The following NALF1 variants were observed in gnomAD, a reference collection of about 807,000 sequenced individuals.
NALF1 encodes the protein family with sequence similarity 155 member A.
In NALF1, 3 loss-of-function variants were observed where a neutral mutation model predicts 48.4. That is an observed-to-expected ratio of 0.06 (90% CI 0.03 to 0.16). The LOEUF (loss-of-function observed/expected upper bound fraction) is 0.16. NALF1 is among the 10% of genes least tolerant of loss of function. The pLI, the probability that NALF1 is intolerant of heterozygous loss-of-function variation, is 1.00. For synonymous variants in NALF1, 262 were observed against 245.7 expected (o/e 1.07, Z -0.62); for missense variants, 526 against 571.5 (o/e 0.92, Z 0.81).
At chr13:107,534,015 G>C (rs544183526) in intron 1 of NALF1, among the ~76,000 whole-genome samples, 8 of 151,992 alleles carry the variant, frequency 5.3e-5, no homozygotes, top group Non-Finnish European at 1.0e-4. Flanking sequence ...GTAAAAGGGA[G>C]AGGGAGACTG....
At chr13:107,200,295 A>C (rs1879484746) in intron 2 of NALF1, among the ~76,000 whole-genome samples, 1 of 152,144 alleles carries the variant, frequency 6.6e-6, no homozygotes, top group Admixed American at 6.5e-5. Context: ...CATCCCAGGC[A>C]GTGGGGCTTC....
chr13:107,617,317 T>C (rs1029891619), intron 1 of NALF1, among the ~76,000 whole-genome samples: 3 of 152,164 alleles, frequency 2.0e-5, no homozygotes, highest in Non-Finnish European at 4.4e-5. Flanking sequence ...GGTCATTTAA[T>C]TTATGATCTG....
At chr13:107,578,671 A>T (rs558780241) in intron 1 of NALF1, among the ~76,000 whole-genome samples, 1 of 152,224 alleles carries the variant, frequency 6.6e-6, no homozygotes, top group Admixed American at 6.5e-5. Context: ...AATCTTATTT[A>T]TTTTTACCTG....
At chr13:107,734,687 T>G (rs1876415002) in intron 1 of NALF1, among the ~76,000 whole-genome samples, 1 of 152,296 alleles carries the variant, frequency 6.6e-6, no homozygotes, top group South Asian at 2.1e-4. Context: ...GCCTCAGTTT[T>G]CTTATTCATA....
intron 1 of NALF1, among the ~76,000 whole-genome samples, chr13:107,660,692 T>C (rs551120840): frequency 1.4e-4 from 21 of 152,108 alleles, no homozygotes; most frequent in Admixed American, 5.2e-4. Context: ...TACACTATAA[T>C]GATGAATCCA....
intron 1 of NALF1, among the ~76,000 whole-genome samples, chr13:107,635,185 A>C (rs966556920): frequency 1.3e-5 from 2 of 152,092 alleles, no homozygotes; most frequent in Non-Finnish European, 2.9e-5. Flanking sequence ...TTACTATATT[A>C]GTTCATCCTC....
intron 1 of NALF1, among the ~76,000 whole-genome samples, chr13:107,506,819 T>C (rs537681681): frequency 1.3e-5 from 2 of 152,134 alleles, no homozygotes. Flanking sequence ...TTTTTGGTCA[T>C]TGTAAGTAAT....
At chr13:107,732,236 C>CTA (rs1319480321) in intron 1 of NALF1, among the ~76,000 whole-genome samples, 5 of 151,864 alleles carry the variant, frequency 3.3e-5, no homozygotes, top group African/African-American at 1.2e-4. Flanking sequence ...CCTCTATATA[C>CTA]TATATACCAT....
intron 1 of NALF1, among the ~76,000 whole-genome samples, chr13:107,662,522 G>T (rs1880758012): frequency 6.6e-6 from 1 of 152,048 alleles, no homozygotes; most frequent in Non-Finnish European, 1.5e-5. Context: ...GAAAAGCATG[G>T]GAATCATTTT....
chr13:107,562,405 G>A (rs898328538), intron 1 of NALF1, among the ~76,000 whole-genome samples: 3 of 152,210 alleles, frequency 2.0e-5, no homozygotes, highest in African/African-American at 7.2e-5. Flanking sequence ...TGGAAGATAG[G>A]AGATTGTAAG....
At chr13:107,297,378 C>T (rs1026245813) in intron 1 of NALF1, among the ~76,000 whole-genome samples, 1 of 152,092 alleles carries the variant, frequency 6.6e-6, no homozygotes, top group Non-Finnish European at 1.5e-5. Context: ...AGATCTTGTA[C>T]AATTAATTTA....
chr13:107,492,050 T>G (rs1033621338), intron 1 of NALF1, among the ~76,000 whole-genome samples: 2 of 144,364 alleles, frequency 1.4e-5, no homozygotes, highest in South Asian at 2.3e-4. Context: ...TTGTTTTTTT[T>G]TTTTTTTGGT....
chr13:107,602,885 T>C (rs1311844449), intron 1 of NALF1, among the ~76,000 whole-genome samples: 1 of 152,202 alleles, frequency 6.6e-6, no homozygotes, highest in Non-Finnish European at 1.5e-5. Flanking sequence ...TATGTATATT[T>C]AAAATTTTAT....
chr13:107,490,241 A>G (rs1489948314), intron 1 of NALF1, among the ~76,000 whole-genome samples: 1 of 152,176 alleles, frequency 6.6e-6, no homozygotes, highest in East Asian at 1.9e-4. Flanking sequence ...CCAAAGAAAT[A>G]CAAGTCGTTC....
intron 1 of NALF1, among the ~76,000 whole-genome samples, chr13:107,809,825 C>G (rs1413595840): frequency 6.6e-6 from 1 of 152,068 alleles, no homozygotes; most frequent in Non-Finnish European, 1.5e-5. Flanking sequence ...CACCAGATTT[C>G]TCAATCACAC....
chr13:107,292,098 A>G (rs1881632247), intron 1 of NALF1, among the ~76,000 whole-genome samples: 1 of 152,254 alleles, frequency 6.6e-6, no homozygotes, highest in Non-Finnish European at 1.5e-5. Flanking sequence ...CCCAGGCTAT[A>G]TGGCATACAG....
intron 1 of NALF1, among the ~76,000 whole-genome samples, chr13:107,343,940 A>G (rs192811681): frequency 3.3e-4 from 50 of 152,200 alleles, no homozygotes; most frequent in African/African-American, 1.1e-3. Context: ...GATTAACAAA[A>G]TTGACAAACC....
intron 1 of NALF1, among the ~76,000 whole-genome samples, chr13:107,429,899 C>G (rs1431197503): frequency 6.6e-6 from 1 of 152,120 alleles, no homozygotes; most frequent in Non-Finnish European, 1.5e-5. Flanking sequence ...AGTATTGTTT[C>G]ACAAAGACCT....
At chr13:107,678,579 T>C (rs1205749915) in intron 1 of NALF1, among the ~76,000 whole-genome samples, 1 of 152,218 alleles carries the variant, frequency 6.6e-6, no homozygotes, top group Non-Finnish European at 1.5e-5. Flanking sequence ...TAGTTCACTT[T>C]CATACTGTTA....
Sources: gnomAD v4.1 joint callset for allele counts (sites outside exome capture counted in the v4.1 genomes callset) on GRCh38, gnomAD v4.1.1 for gene constraint, MANE v1.5 for transcripts, NCBI Gene and HGNC (gene_info 2026-07-23, HGNC 2026-07-21) for gene names.